DPY19L4: variants seen among roughly 807,000 people sequenced by gnomAD.
The protein encoded by DPY19L4 is probable C-mannosyltransferase DPY19L4.
DPY19L4 carries 97 observed loss-of-function variants against 102.8 expected under a neutral mutation model. That is an observed-to-expected ratio of 0.94 (90% CI 0.80 to 1.12). The LOEUF is 1.12. DPY19L4 is among the 50% of genes most tolerant of loss of function. The probability of loss-of-function intolerance (pLI) is 0.00; values close to 1 mark genes in which losing one functional copy is unlikely to be tolerated. For synonymous variants in DPY19L4, 252 were observed against 283.1 expected (o/e 0.89, Z 1.10); for missense variants, 815 against 850.4 (o/e 0.96, Z 0.52).
intron 6 of DPY19L4, among the ~76,000 whole-genome samples, chr8:94,749,252 C>T (rs1811813988): frequency 6.6e-6 from 1 of 152,150 alleles, no homozygotes; most frequent in South Asian, 2.1e-4. Flanking sequence ...CCCACATCCA[C>T]GGATTGTCTT....
intron 6 of DPY19L4, among the ~76,000 whole-genome samples, chr8:94,751,531 G>A (rs4349961): frequency 0.033 from 4,938 of 151,374 alleles, 110 homozygotes; most frequent in Non-Finnish European, 0.046. Context: ...TCACTCTGTC[G>A]CCCAAGCTGG....
chr8:94,742,319 C>T (rs1351377703), intron 6 of DPY19L4, among the ~76,000 whole-genome samples: 2 of 151,972 alleles, frequency 1.3e-5, no homozygotes, highest in Non-Finnish European at 2.9e-5. Context: ...GATCTCGCCA[C>T]TGCACTCCAG....
chr8:94,730,212 G>A lies in DPY19L4; in HGVS notation c.127+3771G>A, dbSNP rs1810884958. ...TCATAATCTGTTTTTAATTTTGTGTGCCTGATCACCATTTTACAAATGAAG... is the reference window on the plus strand; with the variant it reads ...TCATAATCTGTTTTTAATTTTGTGTACCTGATCACCATTTTACAAATGAAG... On this transcript the variant is annotated intron_variant, in intron 2 of 18. Coordinates refer to ENST00000414645, the MANE Select transcript of DPY19L4 (RefSeq NM_181787.3). Among the ~76,000 whole-genome samples the A allele has an allele frequency of 4.0e-5, 6 of 151,844 alleles. No homozygotes were observed. In the South Asian group the frequency reaches 1.2e-3, roughly 32 times the overall value.
chr8:94,776,026 CTTTTTTTT>C, intron 13 of DPY19L4, among the ~76,000 whole-genome samples: 1 of 81,522 alleles, frequency 1.2e-5, no homozygotes, highest in African/African-American at 4.9e-5. Flanking sequence ...ATTTTTAAAT[CTTTTTTTT>C]TTTTTTTTTT....
intron 18 of DPY19L4, 43 bp downstream of exon 18, chr8:94,788,095 A>T (rs73697034): frequency 0.015 from 14,976 of 971,368 alleles, 116 homozygotes; most frequent in Non-Finnish European, 0.018. Context: ...ATATATATAT[A>T]TTTTTTTTTT....
intron 11 of DPY19L4, among the ~76,000 whole-genome samples, chr8:94,767,817 A>G (rs939365008): frequency 3.3e-5 from 5 of 152,214 alleles, no homozygotes; most frequent in Non-Finnish European, 7.3e-5. Flanking sequence ...TGTATTTTAA[A>G]AAATACAAAG....
chr8:94,783,147 C>T (rs1813506501), intron 16 of DPY19L4, among the ~76,000 whole-genome samples: 1 of 152,208 alleles, frequency 6.6e-6, no homozygotes, highest in African/African-American at 2.4e-5. Flanking sequence ...TTGCAAGTAG[C>T]ATCTGTCTGG....
rs559376378 is a variant in DPY19L4 at position 94,774,866 on chromosome 8, C to G, written c.1455-2800C>G. Among the ~76,000 whole-genome samples, 288 of 151,782 alleles carry G rather than the reference C, an allele frequency of 1.9e-3. 1 individual carries two copies. Among genetic ancestry groups the G allele is most frequent in the African/African-American group, 6.5e-3 (270 of 41,372 alleles). On this transcript the variant is annotated intron_variant, in intron 13 of 18. Coordinates refer to ENST00000414645, the MANE Select transcript of DPY19L4 (RefSeq NM_181787.3). ...TGCTGGGATTACAGCCATGAGCCAC[C>G]GCGCCCAGCCTTTATTTTCCATTTC...
In DPY19L4 at chr8:94,786,587, G is replaced by A. The variant is rs191004036; in HGVS notation, c.1849-1307G>A. ...CTGTTTTTCAATTTTAGAGAATTTC[G>A]TAAAGGCTGGAGTGCAGTGGCATGA... On this transcript the variant is annotated intron_variant, in intron 17 of 18. Coordinates refer to ENST00000414645, the MANE Select transcript of DPY19L4 (RefSeq NM_181787.3). Among the ~76,000 whole-genome samples, 695 of 151,946 alleles carry A rather than the reference G, an allele frequency of 4.6e-3. 8 individuals are homozygous for A. Among genetic ancestry groups the A allele is most frequent in the African/African-American group, 0.015 (624 of 41,406 alleles).
intron 2 of DPY19L4, among the ~76,000 whole-genome samples, chr8:94,730,991 A>C (rs1259797980): frequency 2.7e-5 from 4 of 148,310 alleles, no homozygotes; most frequent in Middle Eastern, 3.5e-3. Flanking sequence ...GTGATCCACC[A>C]GCCTCGGCCT....
At chr8:94,751,483 T>C (rs1811926192) in intron 6 of DPY19L4, among the ~76,000 whole-genome samples, 2 of 149,290 alleles carry the variant, frequency 1.3e-5, no homozygotes, top group Admixed American at 1.3e-4. Context: ...GTGTCTGGTT[T>C]CTTATTTATT....
At chr8:94,722,615 T>G (rs184649233) in intron 1 of DPY19L4, among the ~76,000 whole-genome samples, 66 of 152,294 alleles carry the variant, frequency 4.3e-4, no homozygotes, top group African/African-American at 1.5e-3. Flanking sequence ...ATGAGTAAAT[T>G]TTCATTTATT....
chr8:94,788,188 G>A lies in DPY19L4; in HGVS notation c.2007+136G>A. On this transcript the variant is annotated intron_variant, in intron 18 of 18. Coordinates refer to ENST00000414645, the MANE Select transcript of DPY19L4 (RefSeq NM_181787.3). ...ATATAATTGAGTTATGTAATAATGGGGAAAGCTTCTTAAAAGTAGTTTGGA... is the reference window on the plus strand; with the variant it reads ...ATATAATTGAGTTATGTAATAATGGAGAAAGCTTCTTAAAAGTAGTTTGGA... The A allele has an allele frequency of 4.9e-6, 2 of 406,556 alleles. 1 individual carries two copies. Among genetic ancestry groups the A allele is most frequent in the South Asian group, 2.2e-4 (2 of 9,262 alleles). The allele number at this position is 406,556 out of a possible 1,614,324, so 25.2% of individuals were successfully genotyped here.
chr8:94,771,764 G>T (rs1296220472), intron 13 of DPY19L4, among the ~76,000 whole-genome samples: 1 of 152,202 alleles, frequency 6.6e-6, no homozygotes, highest in Non-Finnish European at 1.5e-5. Flanking sequence ...GTTCAGTCTG[G>T]CTGAAACACA....
intron 3 of DPY19L4, among the ~76,000 whole-genome samples, chr8:94,737,666 C>T (rs902465951): frequency 6.6e-6 from 1 of 151,726 alleles, no homozygotes; most frequent in Admixed American, 6.6e-5. Flanking sequence ...GCCTGTAGTC[C>T]CAGCTACTTG....
At chr8:94,771,852 C>G (rs990370383) in intron 13 of DPY19L4, among the ~76,000 whole-genome samples, 1 of 152,106 alleles carries the variant, frequency 6.6e-6, no homozygotes, top group Non-Finnish European at 1.5e-5. Context: ...CTTTTATTGT[C>G]TTTCAATGGC....
At chr8:94,730,910 T>C (rs1228130398) in intron 2 of DPY19L4, among the ~76,000 whole-genome samples, 1 of 150,338 alleles carries the variant, frequency 6.7e-6, no homozygotes, top group East Asian at 2.0e-4. Context: ...CACACCCTGC[T>C]AATTTTGTAT....
rs1813836556 is a variant in DPY19L4 at position 94,790,230 on chromosome 8, T to C, written c.*320T>C. On this transcript the variant is annotated 3_prime_UTR_variant, in exon 19 of 19. Transcript: ENST00000414645. ...TCTATTATAATATTGATCTTGAATT[T>C]GAATATGTGCAAGGTCAGATACATT... 1 of 172,398 alleles carries C rather than the reference T, an allele frequency of 5.8e-6. No individual in the cohort carries two copies. The highest frequency in any genetic ancestry group is 1.2e-5 in the Non-Finnish European group (1 of 81,986). The allele number at this position is 172,398 out of a possible 1,614,324, so 10.7% of individuals were successfully genotyped here.
chr8:94,756,113 C>T lies in DPY19L4; in HGVS notation c.689C>T (p.Ala230Val), dbSNP rs150195982. The change falls in exon 7 of 19, where the codon GCT (alanine) becomes GTT (valine). Residue 230 changes from alanine (A) to valine (V), a missense_variant. Coordinates refer to ENST00000414645, the MANE Select transcript of DPY19L4 (RefSeq NM_181787.3). ...CTACCATATTTTGCATGCCAAATTG[C>T]TGCACTTACAGGCTATTTAAAAAGC... ...WALPYFACQI[A>V]ALTGYLKSNL... The T allele has an allele frequency of 3.6e-4, 587 of 1,613,614 alleles. 1 individual carries two copies. Among genetic ancestry groups the T allele is most frequent in the Non-Finnish European group, 2.8e-4 (327 of 1,179,878 alleles).
Sources: gnomAD v4.1 joint callset for allele counts (sites outside exome capture counted in the v4.1 genomes callset) on GRCh38, gnomAD v4.1.1 for gene constraint, MANE v1.5 for transcripts, NCBI Gene and HGNC (gene_info 2026-07-23, HGNC 2026-07-21) for gene names.